The following PZP variants were observed in gnomAD, a reference collection of about 807,000 sequenced individuals.
The protein encoded by PZP is PZP alpha-2-macroglobulin like.
Under a neutral mutation model 179.8 loss-of-function variants are expected in PZP, and 150 were observed. That is an observed-to-expected ratio of 0.83 (90% CI 0.73 to 0.96). The LOEUF (loss-of-function observed/expected upper bound fraction) is 0.96. Among genes scored for constraint, PZP ranks in the 40% least tolerant of loss-of-function variants. PZP has a pLI of 0.00. For missense variants in PZP, 1,689 were observed against 1,764.0 expected (o/e 0.96, Z 0.76); for synonymous variants, 624 against 652.3 (o/e 0.96, Z 0.66).
At chr12:9,162,431 C>A in intron 22 of PZP, 166 bp downstream of exon 22, 1 of 598,730 alleles carries the variant, frequency 1.7e-6, no homozygotes. Flanking sequence ...CTCTCTTGGG[C>A]TCAATGTCTT....
intron 28 of PZP, chr12:9,155,768 G>T (rs1432069873): frequency 6.6e-6 from 1 of 152,652 alleles, no homozygotes; most frequent in African/African-American, 2.4e-5. Context: ...CAAAATAAAT[G>T]AAGATCTCAA....
chr12:9,194,513 G>A (rs1175508033), intron 10 of PZP, among the ~76,000 whole-genome samples: 1 of 148,368 alleles, frequency 6.7e-6, no homozygotes, highest in East Asian at 2.0e-4. Flanking sequence ...CGCCCAGGCT[G>A]GAGTGCAGTG....
chr12:9,164,083 CA>C, intron 20 of PZP, 49 bp downstream of exon 20: 2 of 1,548,570 alleles, frequency 1.3e-6, no homozygotes, highest in Non-Finnish European at 1.8e-6. Flanking sequence ...AGTACTCAGA[CA>C]GCCACCGTCC....
intron 15 of PZP, among the ~76,000 whole-genome samples, chr12:9,176,560 A>C (rs1420122651): frequency 1.3e-5 from 2 of 152,262 alleles, no homozygotes; most frequent in Non-Finnish European, 2.9e-5. Flanking sequence ...ATTATATTGG[A>C]TAGACCAATG....
At chr12:9,155,102 A>G (rs1261764983) in intron 28 of PZP, among the ~76,000 whole-genome samples, 1 of 152,184 alleles carries the variant, frequency 6.6e-6, no homozygotes, top group African/African-American at 2.4e-5. Context: ...TTTTAGTTGG[A>G]CTGATGAAAG....
intron 7 of PZP, among the ~76,000 whole-genome samples, chr12:9,199,810 A>G (rs1474842518): frequency 2.0e-5 from 3 of 152,214 alleles, no homozygotes; most frequent in Non-Finnish European, 4.4e-5. Context: ...TGATAGGTAC[A>G]TGAAATTGTG....
intron 17 of PZP, chr12:9,166,880 C>T (rs771857335): frequency 1.3e-4 from 20 of 152,284 alleles, no homozygotes; most frequent in African/African-American, 4.6e-4. Flanking sequence ...ATTTTGTCCA[C>T]GTTGTGCCTG....
chr12:9,136,953 C>A, the PZP span, among the ~76,000 whole-genome samples: 38,445 of 151,974 alleles, frequency 0.25, 5,590 homozygotes, highest in Admixed American at 0.33. Context: ...ACATGGTTTG[C>A]AAATATTTTC....
rs749223714 is a variant in PZP, at chr12:9,157,349, T to C, written c.3376A>G (p.Ile1126Val). Reference sequence around the variant, plus strand: ...AGGCAGAACAGGGCATTGCGAACAATAGGGTTCTGTAAAGGCAAAATGTGG... The same window carrying C: ...AGGCAGAACAGGGCATTGCGAACAACAGGGTTCTGTAAAGGCAAAATGTGG... Reference protein sequence around the residue: ...LEIPLPVTNPIVRNALFCLES... With the variant: ...LEIPLPVTNPVVRNALFCLES... Residue 1126 changes from isoleucine (I) to valine (V), a missense_variant, in exon 28 of 36, where the codon ATT (isoleucine) becomes GTT (valine). Ile to Val is a conservative substitution (Grantham distance 29). Transcript: ENST00000261336. The C allele has an allele frequency of 3.1e-6, 5 of 1,612,004 alleles. No homozygotes were observed. In the Admixed American group the frequency reaches 8.3e-5, roughly 27 times the overall value.
rs112574478 is a variant in PZP, at chr12:9,191,302, A to G, written c.1546+891T>C. On this transcript the variant is annotated intron_variant, in intron 13 of 35. Coordinates refer to ENST00000261336, the MANE Select transcript of PZP (RefSeq NM_002864.3). ...ATTATTCAACAAAAATTGAAGAACA[A>G]TGTACACAGTGGGGTCCATTCTCCA... Among the ~76,000 whole-genome samples, 51 of 152,256 alleles carry G rather than the reference A, an allele frequency of 3.3e-4. 3 individuals are homozygous for G. The highest frequency in any genetic ancestry group is 1.1e-3 in the African/African-American group (45 of 41,566).
intron 17 of PZP, chr12:9,166,914 T>C (rs937562749): frequency 2.0e-5 from 3 of 152,240 alleles, no homozygotes; most frequent in African/African-American, 7.2e-5. Context: ...TAATTGAATT[T>C]GATTTAAGAT....
At chr12:9,150,124 T>G (rs1940237687) in intron 34 of PZP, among the ~76,000 whole-genome samples, 1 of 152,212 alleles carries the variant, frequency 6.6e-6, no homozygotes, top group African/African-American at 2.4e-5. Context: ...CTAATAGTCT[T>G]TCCTGTTATG....
rs1942232076 is a variant in PZP at position 9,174,553 on chromosome 12, T to A, written c.1840-4962A>T. Among the ~76,000 whole-genome samples the A allele has an allele frequency of 2.0e-5, 3 of 152,248 alleles. No homozygotes were observed. The South Asian group carries it at 6.2e-4, about 32-fold the overall frequency. ...AATTATCTTTATTTGATTTTATATCTAGAAAACCCCATTATCTCAGTCCAA... is the reference window on the plus strand; with the variant it reads ...AATTATCTTTATTTGATTTTATATCAAGAAAACCCCATTATCTCAGTCCAA... On this transcript the variant is annotated intron_variant, in intron 15 of 35. Transcript: ENST00000261336.
At chr12:9,179,464 T>C (rs1942615756) in intron 15 of PZP, among the ~76,000 whole-genome samples, 1 of 152,180 alleles carries the variant, frequency 6.6e-6, no homozygotes, top group African/African-American at 2.4e-5. Flanking sequence ...TTAATATAAC[T>C]ATAGTCAAAA....
intron 15 of PZP, among the ~76,000 whole-genome samples, chr12:9,173,817 G>A (rs750472897): frequency 6.6e-6 from 1 of 152,258 alleles, no homozygotes; most frequent in African/African-American, 2.4e-5. Flanking sequence ...AACGAGTTCT[G>A]AAATTGAGGC....
At chr12:9,158,316 C>T (rs952083734) in intron 26 of PZP, 104 bp downstream of exon 26, 1 of 1,469,392 alleles carries the variant, frequency 6.8e-7, no homozygotes, top group Non-Finnish European at 9.3e-7. Flanking sequence ...CCACATCATC[C>T]AGGACTTCAT....
the PZP span, among the ~76,000 whole-genome samples, chr12:9,142,657 A>G: frequency 2.0e-5 from 3 of 152,332 alleles, no homozygotes; most frequent in South Asian, 2.1e-4. Flanking sequence ...AGACAACCAG[A>G]AGAAAATCCA....
chr12:9,160,725 G>T (rs1325466151), intron 23 of PZP, among the ~76,000 whole-genome samples: 1 of 151,990 alleles, frequency 6.6e-6, no homozygotes, highest in Non-Finnish European at 1.5e-5. Context: ...CCATCCTGGT[G>T]AACACGGTGA....
At chr12:9,172,237 A>G (rs1211078639) in intron 15 of PZP, among the ~76,000 whole-genome samples, 7 of 152,228 alleles carry the variant, frequency 4.6e-5, no homozygotes, top group Admixed American at 4.6e-4. Context: ...ATACCTGGCC[A>G]AACTAAGCTT....
Sources: allele counts gnomAD v4.1 joint callset (sites outside exome capture counted in the v4.1 genomes callset), GRCh38; gene constraint gnomAD v4.1.1; transcripts MANE v1.5; gene names NCBI Gene and HGNC (gene_info 2026-07-23, HGNC 2026-07-21).